The following ANKS1B variants were observed in gnomAD, a reference collection of about 807,000 sequenced individuals.
ANKS1B encodes ankyrin repeat and sterile alpha motif domain-containing protein 1B.
A neutral mutation model predicts 148.3 loss-of-function variants in ANKS1B; 36 were observed. That is an observed-to-expected ratio of 0.24 (90% CI 0.19 to 0.32). The LOEUF (loss-of-function observed/expected upper bound fraction) is 0.32. ANKS1B is among the 10% of genes least tolerant of loss of function. The pLI is 1.00. For synonymous variants in ANKS1B, 542 were observed against 560.8 expected (o/e 0.97, Z 0.47); for missense variants, 1,157 against 1,542.6 (o/e 0.75, Z 4.19).
intron 10 of ANKS1B, among the ~76,000 whole-genome samples, chr12:99,486,791 G>A (rs556908571): frequency 1.3e-5 from 2 of 152,268 alleles, no homozygotes; most frequent in South Asian, 2.1e-4. Flanking sequence ...GATCGGATAG[G>A]CACCTCTTTT....
intron 8 of ANKS1B, among the ~76,000 whole-genome samples, chr12:99,703,745 A>G (rs934309033): frequency 6.6e-6 from 1 of 152,142 alleles, no homozygotes; most frequent in Non-Finnish European, 1.5e-5. Flanking sequence ...TTACAAATAT[A>G]TCTCATCACT....
At position 99,780,028 on chromosome 12, in the gene ANKS1B, T is replaced by C. The variant is rs142153397; in HGVS notation, c.746-56A>G. 3.6e-4 allele frequency: 424 copies of C among 1,183,934 alleles called. 4 individuals are homozygous for C. Among genetic ancestry groups the C allele is most frequent in the South Asian group, 2.5e-3 (197 of 78,268 alleles). The allele number at this position is 1,183,934 out of a possible 1,614,324, so 73.3% of individuals were successfully genotyped here. A position where few individuals can be genotyped will look rare whatever the true frequency, so the allele number is the denominator to read the frequency against. ...ACACCACTGAAGTATCCTCAAAAGA[T>C]ACTATCACTATCTAACTGCTGTAAT... On this transcript the variant is annotated intron_variant, in intron 5 of 26. Coordinates refer to ENST00000683438, the MANE Select transcript of ANKS1B (RefSeq NM_001352186.2).
At chr12:99,155,979 T>G (rs999215368) in intron 14 of ANKS1B, among the ~76,000 whole-genome samples, 7 of 152,190 alleles carry the variant, frequency 4.6e-5, no homozygotes, top group Non-Finnish European at 1.0e-4. Flanking sequence ...GCTTTAAAAT[T>G]TAAAGATAAC....
chr12:99,179,902 G>A (rs527783844), intron 14 of ANKS1B, among the ~76,000 whole-genome samples: 25 of 152,184 alleles, frequency 1.6e-4, no homozygotes, highest in African/African-American at 5.5e-4. Flanking sequence ...GGCATTTAAG[G>A]TTCTCCATCA....
At chr12:99,129,962 A>G (rs1406137489) in intron 15 of ANKS1B, among the ~76,000 whole-genome samples, 2 of 152,210 alleles carry the variant, frequency 1.3e-5, no homozygotes, top group South Asian at 4.1e-4. Context: ...TTATTATTTG[A>G]GTAAATCATG....
chr12:99,537,126 C>A (rs1417975800), intron 9 of ANKS1B, among the ~76,000 whole-genome samples: 1 of 152,044 alleles, frequency 6.6e-6, no homozygotes, highest in African/African-American at 2.4e-5. Context: ...TACTCCATTG[C>A]GTATAAGTAC....
intron 9 of ANKS1B, among the ~76,000 whole-genome samples, chr12:99,609,232 A>T (rs1476979499): frequency 6.6e-6 from 1 of 152,022 alleles, no homozygotes; most frequent in Non-Finnish European, 1.5e-5. Context: ...CAGCCTTTTA[A>T]AAAAATCCTT....
At chr12:99,879,255 A>C (rs2092332626) in intron 1 of ANKS1B, among the ~76,000 whole-genome samples, 1 of 152,172 alleles carries the variant, frequency 6.6e-6, no homozygotes, top group Admixed American at 6.5e-5. Context: ...AGGCAGTTAT[A>C]AGCCTTGCTG....
At chr12:99,066,446 A>T (rs933459174) in intron 16 of ANKS1B, among the ~76,000 whole-genome samples, 2 of 152,238 alleles carry the variant, frequency 1.3e-5, no homozygotes, top group Non-Finnish European at 1.5e-5. Flanking sequence ...TCAAGAAATA[A>T]CAAGGAGACC....
intron 9 of ANKS1B, among the ~76,000 whole-genome samples, chr12:99,549,252 C>A (rs559767491): frequency 6.6e-6 from 1 of 152,124 alleles, no homozygotes; most frequent in Non-Finnish European, 1.5e-5. Flanking sequence ...TTCTGTAATT[C>A]TTTAGAAATC....
chr12:98,960,525 A>C (rs1474669851), intron 17 of ANKS1B, among the ~76,000 whole-genome samples: 1 of 152,168 alleles, frequency 6.6e-6, no homozygotes, highest in Admixed American at 6.6e-5. Context: ...GGCCCTTCCC[A>C]AGAAGAATGG....
intron 15 of ANKS1B, among the ~76,000 whole-genome samples, chr12:99,128,460 C>T (rs2065071445): frequency 6.6e-6 from 1 of 152,062 alleles, no homozygotes; most frequent in South Asian, 2.1e-4. Context: ...GGATGCCTTC[C>T]TCTAAGAGTT....
chr12:99,405,777 T>A (rs1354367656), intron 11 of ANKS1B, among the ~76,000 whole-genome samples: 2 of 142,778 alleles, frequency 1.4e-5, no homozygotes, highest in Non-Finnish European at 3.1e-5. Flanking sequence ...GACCCAACAA[T>A]CTATTGCCTG....
chr12:99,817,543 T>C (rs192777451), intron 2 of ANKS1B, among the ~76,000 whole-genome samples: 6 of 151,674 alleles, frequency 4.0e-5, no homozygotes, highest in Admixed American at 2.6e-4. Context: ...AGGGGCATTG[T>C]GAAATCATAT....
intron 17 of ANKS1B, chr12:98,894,855 C>T (rs1224474688): frequency 4.7e-5 from 46 of 980,520 alleles, no homozygotes; most frequent in Non-Finnish European, 5.6e-5. Context: ...GAGCGCCGGG[C>T]TCTCCCCGCG....
At chr12:99,213,894 A>T (rs2083727426) in intron 14 of ANKS1B, among the ~76,000 whole-genome samples, 1 of 152,184 alleles carries the variant, frequency 6.6e-6, no homozygotes, top group Non-Finnish European at 1.5e-5. Flanking sequence ...ATGTAATTAC[A>T]AAGCTCACCT....
chr12:99,325,046 AATG>A (rs2086042446), intron 12 of ANKS1B, among the ~76,000 whole-genome samples: 1 of 152,148 alleles, frequency 6.6e-6, no homozygotes, highest in African/African-American at 2.4e-5. Flanking sequence ...TGTACCACAT[AATG>A]ATATTTCAGT....
chr12:99,836,657 C>T (rs1320832787), intron 1 of ANKS1B, among the ~76,000 whole-genome samples: 1 of 152,094 alleles, frequency 6.6e-6, no homozygotes, highest in Non-Finnish European at 1.5e-5. Flanking sequence ...GAGCCATAAA[C>T]ACAGAGTCAA....
chr12:98,826,165 T>C (rs1268018867), intron 19 of ANKS1B, among the ~76,000 whole-genome samples: 2 of 152,242 alleles, frequency 1.3e-5, no homozygotes, highest in Non-Finnish European at 2.9e-5. Flanking sequence ...ATTCAGTTCA[T>C]GCTGAACTCA....
Sources: allele counts gnomAD v4.1 joint callset (sites outside exome capture counted in the v4.1 genomes callset), GRCh38; gene constraint gnomAD v4.1.1; transcripts MANE v1.5; gene names NCBI Gene and HGNC (gene_info 2026-07-23, HGNC 2026-07-21).